The following NLK variants were observed in gnomAD, a reference collection of about 807,000 sequenced individuals.
The protein encoded by NLK is serine/threonine-protein kinase NLK.
NLK carries 11 observed loss-of-function variants against 59.0 expected under a neutral mutation model. That is an observed-to-expected ratio of 0.19 (90% CI 0.12 to 0.31). The LOEUF (loss-of-function observed/expected upper bound fraction) is 0.31, where lower values mean the gene tolerates loss of function less well. Ranked by LOEUF, NLK falls within the 10% of genes least tolerant of loss-of-function variation. The pLI is 1.00. For missense variants in NLK, 410 were observed against 661.1 expected (o/e 0.62, Z 4.16); for synonymous variants, 235 against 235.9 (o/e 1.00, Z 0.03).
At chr17:28,068,136 G>A (rs958931045) in intron 1 of NLK, among the ~76,000 whole-genome samples, 6 of 138,428 alleles carry the variant, frequency 4.3e-5, no homozygotes, top group African/African-American at 1.1e-4. Flanking sequence ...GCGAGACTCC[G>A]TCTCAAAAAA....
chr17:28,140,997 C>T (rs958321103), intron 3 of NLK, among the ~76,000 whole-genome samples: 2 of 152,064 alleles, frequency 1.3e-5, no homozygotes, highest in Admixed American at 6.5e-5. Context: ...TTCATGGGTC[C>T]GTGTAACCCT....
At chr17:28,189,836 T>C (rs545622012) in intron 8 of NLK, among the ~76,000 whole-genome samples, 21 of 152,290 alleles carry the variant, frequency 1.4e-4, no homozygotes, top group African/African-American at 4.3e-4. Flanking sequence ...CATAAACTTA[T>C]TGAAAGGAAA....
At chr17:28,054,243 C>A (rs1909361114) in intron 1 of NLK, among the ~76,000 whole-genome samples, 1 of 152,184 alleles carries the variant, frequency 6.6e-6, no homozygotes, top group Admixed American at 6.5e-5. Context: ...AATTGATTGG[C>A]TTCCTCTGTG....
chr17:28,073,721 A>G (rs967317892), intron 1 of NLK, among the ~76,000 whole-genome samples: 3 of 152,046 alleles, frequency 2.0e-5, no homozygotes, highest in Non-Finnish European at 4.4e-5. Flanking sequence ...CTCACTTCAG[A>G]TGTTCTTCTC....
In NLK at chr17:28,043,041, G is replaced by T. The variant is rs1477374395; in HGVS notation, c.168G>T (p.Gly56=). 1.3e-6 allele frequency: 2 copies of T among 1,557,552 alleles called. No individual in the cohort carries two copies. The highest frequency in any genetic ancestry group is 2.7e-5 in the African/African-American group (2 of 73,238). Residue 56 remains glycine (G), a synonymous_variant, in exon 1 of 11, where the codon GGG becomes GGT. Coordinates refer to ENST00000407008, the MANE Select transcript of NLK (RefSeq NM_016231.5). ...HHHPQHHLHP[G]SAAAVHPVQQ... ...ACCCTCAACACCATCTTCATCCGGGGTCGGCTGCCGCTGTACACCCTGTAC... is the reference window on the plus strand; with the variant it reads ...ACCCTCAACACCATCTTCATCCGGGTTCGGCTGCCGCTGTACACCCTGTAC...
chr17:28,096,439 G>A (rs1441536627), intron 1 of NLK, among the ~76,000 whole-genome samples: 1 of 152,082 alleles, frequency 6.6e-6, no homozygotes, highest in Non-Finnish European at 1.5e-5. Flanking sequence ...AAAATGAAGT[G>A]TTCTTGTAAT....
chr17:28,203,156 T>TACACACACACACACACACACACACAC, the NLK span, among the ~76,000 whole-genome samples: 5 of 129,382 alleles, frequency 3.9e-5, no homozygotes, highest in Admixed American at 3.7e-4. Context: ...TGAATGTATA[T>TACACACACACACACACACACACACAC]ACATACATAC....
Position 28,126,400 on chromosome 17 carries a change from A to T in NLK, c.588+3668A>T, listed in dbSNP as rs1302357912. On this transcript the variant is annotated intron_variant, in intron 2 of 10. Transcript: ENST00000407008. The stretch of plus-strand genomic sequence containing the variant: ...ACCATAATATTAAGAAAAGAGAAAA[A>T]TTGTTGTGGACTTAGAAATTCAAAG... 2.6e-5 allele frequency among the ~76,000 whole-genome samples: 4 copies of T among 152,322 alleles called. No homozygotes were observed. The South Asian group carries it at 8.3e-4, about 32-fold the overall frequency.
At chr17:28,073,511 G>T (rs1286248180) in intron 1 of NLK, among the ~76,000 whole-genome samples, 1 of 152,086 alleles carries the variant, frequency 6.6e-6, no homozygotes, top group Non-Finnish European at 1.5e-5. Flanking sequence ...TCCCTCTCAA[G>T]GTTAACCATG....
chr17:28,068,870 G>A, intron 1 of NLK, among the ~76,000 whole-genome samples: 1 of 152,088 alleles, frequency 6.6e-6, no homozygotes, highest in Non-Finnish European at 1.5e-5. Context: ...ATAGAGATGG[G>A]ATCTCACTAT....
chr17:28,080,472 T>G (rs1440828404), intron 1 of NLK, among the ~76,000 whole-genome samples: 1 of 152,142 alleles, frequency 6.6e-6, no homozygotes, highest in Non-Finnish European at 1.5e-5. Context: ...TTCCCAACCC[T>G]TACCCCCAAA....
At chr17:28,099,870 G>A (rs1412555529) in intron 1 of NLK, among the ~76,000 whole-genome samples, 3 of 152,104 alleles carry the variant, frequency 2.0e-5, no homozygotes, top group East Asian at 1.9e-4. Context: ...GAGCCACCGC[G>A]CCCGGCCTTG....
At chr17:28,149,830 A>G (rs769979431) in intron 3 of NLK, among the ~76,000 whole-genome samples, 7 of 152,202 alleles carry the variant, frequency 4.6e-5, no homozygotes, top group Admixed American at 4.6e-4. Flanking sequence ...CTAGATTGGC[A>G]TCTTGTACAT....
chr17:28,079,397 T>C lies in NLK; in HGVS notation c.458+36066T>C, dbSNP rs142209227. On this transcript the variant is annotated intron_variant, in intron 1 of 10. Transcript: ENST00000407008. The stretch of plus-strand genomic sequence containing the variant: ...TATGTCAATAAGTAGGGTTGCTGAA[T>C]TATATGGTAATCCTATTTTTAAGTT... Among the ~76,000 whole-genome samples, 305 of 152,346 alleles carry C rather than the reference T, an allele frequency of 2.0e-3. 1 individual carries two copies. Among genetic ancestry groups the C allele is most frequent in the Middle Eastern group, 3.4e-3 (1 of 294 alleles).
intron 3 of NLK, among the ~76,000 whole-genome samples, chr17:28,140,210 A>G (rs558578925): frequency 1.1e-4 from 16 of 152,292 alleles, no homozygotes; most frequent in African/African-American, 3.8e-4. Context: ...TGTTGAACTA[A>G]GGAAATTGGT....
At chr17:28,101,316 G>T (rs1253666513) in intron 1 of NLK, among the ~76,000 whole-genome samples, 1 of 152,150 alleles carries the variant, frequency 6.6e-6, no homozygotes, top group Non-Finnish European at 1.5e-5. Flanking sequence ...AAAGCCTGCA[G>T]GATTTTGATT....
chr17:28,133,547 C>T (rs1235990319), intron 3 of NLK, among the ~76,000 whole-genome samples: 1 of 152,016 alleles, frequency 6.6e-6, no homozygotes, highest in Admixed American at 6.6e-5. Flanking sequence ...TAAAATAATG[C>T]ATGGTAGTAG....
Position 28,099,824 on chromosome 17 carries a change from C to T in NLK, c.459-22779C>T, listed in dbSNP as rs550774638. Among the ~76,000 whole-genome samples the T allele has an allele frequency of 1.5e-3, 232 of 151,002 alleles. 1 individual carries two copies. The highest frequency in any genetic ancestry group is 5.3e-3 in the African/African-American group (218 of 41,104). On this transcript the variant is annotated intron_variant, in intron 1 of 10. Coordinates refer to ENST00000407008, the MANE Select transcript of NLK (RefSeq NM_016231.5). The stretch of plus-strand genomic sequence containing the variant: ...CGATCTCCTGACCTCATGATCCACC[C>T]GCCTCGGCCTCCCAAAGTGCTGGGA...
At chr17:28,116,602 G>A (rs1028236859) in intron 1 of NLK, among the ~76,000 whole-genome samples, 1 of 152,146 alleles carries the variant, frequency 6.6e-6, no homozygotes, top group African/African-American at 2.4e-5. Context: ...TTTCTTTTCT[G>A]ATGTGAACTT....
Sources: allele counts gnomAD v4.1 joint callset (sites outside exome capture counted in the v4.1 genomes callset), GRCh38; gene constraint gnomAD v4.1.1; transcripts MANE v1.5; gene names NCBI Gene and HGNC (gene_info 2026-07-23, HGNC 2026-07-21).